Variants in RNF180 observed in about 807,000 individuals in gnomAD.
RNF180 encodes ring finger protein 180, also known as E3 ubiquitin-protein ligase RNF180.
Under a neutral mutation model 59.2 loss-of-function variants are expected in RNF180, and 38 were observed. The ratio of observed to expected loss-of-function variants is 0.64; its 90% CI spans 0.50 to 0.84. RNF180 has a LOEUF of 0.84. RNF180 is among the 40% of genes least tolerant of loss of function. The pLI is 0.00. For synonymous variants in RNF180, 262 were observed against 240.3 expected, an observed-to-expected ratio of 1.09 and a Z score of -0.84; for missense variants, 705 against 700.9, an observed-to-expected ratio of 1.01 and a Z score of -0.07.
At chr5:64,243,992 A>C (rs1742990297) in intron 5 of RNF180, among the ~76,000 whole-genome samples, 2 of 152,200 alleles carry the variant, frequency 1.3e-5, no homozygotes, top group South Asian at 4.1e-4. Context: ...GACCTGCAGC[A>C]GAGGGGCCTG....
chr5:64,350,779 G>T (rs1745769466), intron 7 of RNF180, among the ~76,000 whole-genome samples: 1 of 152,028 alleles, frequency 6.6e-6, no homozygotes, highest in Non-Finnish European at 1.5e-5. Context: ...TCTCTGTTTT[G>T]GTACCAGTAC....
intron 5 of RNF180, among the ~76,000 whole-genome samples, chr5:64,285,743 C>G (rs934257704): frequency 6.6e-6 from 1 of 152,116 alleles, no homozygotes; most frequent in Non-Finnish European, 1.5e-5. Context: ...CAAGACCTAC[C>G]CTGCTCTGTC....
intron 5 of RNF180, among the ~76,000 whole-genome samples, chr5:64,234,465 CAAAAAT>C (rs1433522704): frequency 2.7e-5 from 4 of 147,812 alleles, no homozygotes; most frequent in Admixed American, 2.7e-4. Context: ...GACTCTGTCT[CAAAAAT>C]AAAAATAAAT....
intron 5 of RNF180, among the ~76,000 whole-genome samples, chr5:64,267,358 A>G (rs1161372487): frequency 2.0e-5 from 3 of 151,564 alleles, no homozygotes; most frequent in Non-Finnish European, 4.4e-5. Context: ...TTATTTATTT[A>G]TTTGTTATTA....
intron 5 of RNF180, among the ~76,000 whole-genome samples, chr5:64,227,917 C>G (rs576288197): frequency 2.6e-5 from 4 of 152,170 alleles, no homozygotes; most frequent in South Asian, 2.1e-4. Flanking sequence ...CATGTCTGCC[C>G]TTACCCATTT....
intron 1 of RNF180, among the ~76,000 whole-genome samples, chr5:64,172,522 G>T (rs1251465227): frequency 6.6e-6 from 1 of 152,164 alleles, no homozygotes; most frequent in Non-Finnish European, 1.5e-5. Context: ...TTAGTTCTGG[G>T]CCTGGGAAAA....
intron 5 of RNF180, among the ~76,000 whole-genome samples, chr5:64,322,470 C>T (rs934028809): frequency 4.6e-5 from 7 of 151,452 alleles, no homozygotes; most frequent in Non-Finnish European, 7.4e-5. Context: ...GTCAGAATGG[C>T]GATTATTAAA....
intron 5 of RNF180, among the ~76,000 whole-genome samples, chr5:64,262,429 C>T (rs577854743): frequency 1.3e-5 from 2 of 152,156 alleles, no homozygotes; most frequent in Non-Finnish European, 2.9e-5. Flanking sequence ...ATTTCAAAAT[C>T]GGACAGCCTT....
At chr5:64,245,707 A>G (rs1743107963) in intron 5 of RNF180, among the ~76,000 whole-genome samples, 1 of 152,212 alleles carries the variant, frequency 6.6e-6, no homozygotes, top group African/African-American at 2.4e-5. Context: ...ACACAGATCA[A>G]CGAGACAGAA....
intron 5 of RNF180, among the ~76,000 whole-genome samples, chr5:64,219,382 C>T (rs553719595): frequency 5.3e-5 from 8 of 151,686 alleles, no homozygotes; most frequent in South Asian, 2.1e-4. Context: ...TTTATGCCTC[C>T]GTCGTTGAAG....
rs776191605 is a variant in RNF180, at chr5:64,213,653, G to C, written c.327G>C (p.Gln109His). Reference protein sequence around the residue: ...FVSTPKCSCGQLAAVHLSKSR... With the variant: ...FVSTPKCSCGHLAAVHLSKSR... The stretch of plus-strand genomic sequence containing the variant: ...GCACTCCAAAATGTTCCTGTGGCCA[G>C]CTTGCAGCTGTACATCTCTCCAAGA... The change falls in exon 4 of 8, where the codon CAG (glutamine) becomes CAC (histidine). Residue 109 changes from glutamine (Q) to histidine (H), a missense_variant. By Grantham distance (24) the Gln-to-His change is conservative (BLOSUM62 0). Coordinates refer to ENST00000389100, the MANE Select transcript of RNF180 (RefSeq NM_001113561.2). The C allele has an allele frequency of 1.9e-6, 3 of 1,614,162 alleles. No individual in the cohort carries two copies. The highest frequency in any genetic ancestry group is 1.7e-5 in the Admixed American group (1 of 60,018).
At chr5:64,308,552 T>C (rs2112474728) in intron 5 of RNF180, among the ~76,000 whole-genome samples, 1 of 151,854 alleles carries the variant, frequency 6.6e-6, no homozygotes, top group South Asian at 2.1e-4. Flanking sequence ...TCTATGTTTT[T>C]CCAAGGAACA....
chr5:64,247,368 C>T (rs1561215579), intron 5 of RNF180, among the ~76,000 whole-genome samples: 2 of 152,152 alleles, frequency 1.3e-5, no homozygotes, highest in Non-Finnish European at 1.5e-5. Context: ...AAAATCCCAT[C>T]GTCTCAGCCC....
intron 7 of RNF180, among the ~76,000 whole-genome samples, chr5:64,359,862 A>T (rs1243170999): frequency 6.6e-6 from 1 of 152,074 alleles, no homozygotes; most frequent in Non-Finnish European, 1.5e-5. Context: ...ATGGCTATCC[A>T]GTTTTCCCAG....
rs143924786 is a variant in RNF180 at position 64,174,247 on chromosome 5, G to C, written c.-1+8294G>C. On this transcript the variant is annotated intron_variant, in intron 1 of 7. Coordinates refer to ENST00000389100, the MANE Select transcript of RNF180 (RefSeq NM_001113561.2). ...ATTGATTCCATATCTTGGGTATTGT[G>C]AATAGTACTGTAATAAACATGGGAG... 3.4e-3 allele frequency among the ~76,000 whole-genome samples: 522 copies of C among 152,176 alleles called. 2 individuals are homozygous for C. The highest frequency in any genetic ancestry group is 0.011 in the African/African-American group (474 of 41,506).
chr5:64,306,593 G>T (rs1429592393), intron 5 of RNF180, among the ~76,000 whole-genome samples: 2 of 151,684 alleles, frequency 1.3e-5, no homozygotes, highest in Non-Finnish European at 2.9e-5. Context: ...AACAATGATA[G>T]ACTGGAGTAA....
chr5:64,290,122 G>A (rs1742496064), intron 5 of RNF180, among the ~76,000 whole-genome samples: 1 of 152,038 alleles, frequency 6.6e-6, no homozygotes, highest in Non-Finnish European at 1.5e-5. Context: ...TTTGATTTCT[G>A]CCTTAATTTC....
intron 5 of RNF180, among the ~76,000 whole-genome samples, chr5:64,318,934 C>T (rs886698177): frequency 2.0e-5 from 3 of 152,074 alleles, no homozygotes; most frequent in East Asian, 3.8e-4. Context: ...CATGACATTA[C>T]GCATTTGACA....
intron 1 of RNF180, among the ~76,000 whole-genome samples, chr5:64,187,066 A>G (rs777995045): frequency 2.6e-5 from 4 of 152,182 alleles, no homozygotes; most frequent in South Asian, 4.1e-4. Context: ...ACATGTCTGC[A>G]TTTCTTCAGT....
Sources: allele counts gnomAD v4.1 joint callset (sites outside exome capture counted in the v4.1 genomes callset), GRCh38; gene constraint gnomAD v4.1.1; transcripts MANE v1.5; gene names NCBI Gene and HGNC (gene_info 2026-07-23, HGNC 2026-07-21).